The following CIP2A variants were observed in gnomAD, a reference collection of about 807,000 sequenced individuals.
CIP2A encodes the protein protein CIP2A.
CIP2A carries 103 observed loss-of-function variants against 110.9 expected under a neutral mutation model. That is an observed-to-expected ratio of 0.93 (90% confidence interval 0.79 to 1.09). CIP2A has a LOEUF of 1.09. CIP2A is among the 50% of genes least tolerant of loss of function. The probability of loss-of-function intolerance (pLI) is 0.00; values close to 1 mark genes in which losing one functional copy is unlikely to be tolerated. For missense variants in CIP2A, 1,088 were observed against 1,038.4 expected (o/e 1.05, Z -0.66); for synonymous variants, 381 against 361.6 (o/e 1.05, Z -0.61).
At chr3:108,553,425 G>A (rs1375705769) in intron 19 of CIP2A, among the ~76,000 whole-genome samples, 1 of 151,776 alleles carries the variant, frequency 6.6e-6, no homozygotes, top group Non-Finnish European at 1.5e-5. Context: ...ACTGTGCCTG[G>A]CCAATTTCTT....
At chr3:108,559,145 TATAACAAATA>T (rs1468151297) in intron 16 of CIP2A, among the ~76,000 whole-genome samples, 2 of 152,092 alleles carry the variant, frequency 1.3e-5, no homozygotes, top group East Asian at 3.9e-4. Context: ...GGATCCAGCC[TATAACAAATA>T]GTGGTAGAAG....
At chr3:108,562,169 A>T (rs1448013998) in intron 13 of CIP2A, among the ~76,000 whole-genome samples, 4 of 152,194 alleles carry the variant, frequency 2.6e-5, no homozygotes, top group Non-Finnish European at 4.4e-5. Context: ...GATGACCTAA[A>T]TTGCTAATTC....
In CIP2A at chr3:108,560,739, T is replaced by G; in HGVS notation, c.1737A>C (p.Thr579=). 1 of 1,612,476 alleles carries G rather than the reference T, an allele frequency of 6.2e-7. No individual in the cohort carries two copies. The highest frequency in any genetic ancestry group is 2.2e-5 in the East Asian group (1 of 44,824). The change falls in exon 14 of 21, where the codon ACA becomes ACC. Residue 579 remains threonine, a synonymous_variant. Coordinates refer to ENST00000295746, the MANE Select transcript of CIP2A (RefSeq NM_020890.3). The part of the protein sequence containing the change: ...PWQSSNHSFP[T]SIKCLTPHLK... ...AATGAGGAGTTAAACACTTTATTGA[T>G]GTTGGAAAACTGTGATTTGATGATT...
At chr3:108,573,022 T>C (rs1938451260) in intron 8 of CIP2A, among the ~76,000 whole-genome samples, 1 of 152,068 alleles carries the variant, frequency 6.6e-6, no homozygotes, top group Non-Finnish European at 1.5e-5. Flanking sequence ...AGGTATTAAA[T>C]TTTATCAAAT....
intron 11 of CIP2A, 41 bp downstream of exon 11, chr3:108,566,456 T>C: frequency 1.9e-6 from 3 of 1,550,938 alleles, no homozygotes; most frequent in Non-Finnish European, 2.6e-6. Flanking sequence ...TTTCGATTTT[T>C]TACTGCCTTG....
At chr3:108,573,856 C>T (rs1353810482) in intron 8 of CIP2A, among the ~76,000 whole-genome samples, 1 of 151,918 alleles carries the variant, frequency 6.6e-6, no homozygotes, top group Non-Finnish European at 1.5e-5. Context: ...TCTGTAAAAA[C>T]TTGTAAGGTA....
At chr3:108,560,594 G>T in intron 14 of CIP2A, 55 bp downstream of exon 14, 1 of 1,016,854 alleles carries the variant, frequency 9.8e-7, no homozygotes, top group Non-Finnish European at 1.4e-6. Flanking sequence ...CGTTATAATT[G>T]GGACTGACAT....
chr3:108,585,867 A>C (rs1210936465), intron 1 of CIP2A: 3 of 439,564 alleles, frequency 6.8e-6, no homozygotes, highest in Non-Finnish European at 1.4e-5. Flanking sequence ...CTTTCTTGTA[A>C]TCTATAAGCC....
At chr3:108,564,704 T>C (rs1471658456) in intron 12 of CIP2A, among the ~76,000 whole-genome samples, 1 of 152,030 alleles carries the variant, frequency 6.6e-6, no homozygotes, top group East Asian at 1.9e-4. Context: ...AGTTCCCTAT[T>C]TGTGCTTTCT....
Position 108,553,899 on chromosome 3 carries a change from A to C in CIP2A, c.2325-169T>G, listed in dbSNP as rs1163327152. 9.6e-4 allele frequency among the ~76,000 whole-genome samples: 114 copies of C among 118,998 alleles called. 18 individuals carry two copies. Among genetic ancestry groups the C allele is most frequent in the Non-Finnish European group, 1.3e-3 (69 of 54,768 alleles). The allele number at this position is 118,998 out of a possible 152,430, so 78.1% of individuals were successfully genotyped here. A position where few individuals can be genotyped will look rare whatever the true frequency, so the allele number is the denominator to read the frequency against. On this transcript the variant is annotated intron_variant, in intron 18 of 20. Coordinates refer to ENST00000295746, the MANE Select transcript of CIP2A (RefSeq NM_020890.3). ...AACCCCGTCTCTACTAAAAATATAAAAAAAAAAAAAAAAAAAAAAAGGTCT... is the reference window on the plus strand; with the variant it reads ...AACCCCGTCTCTACTAAAAATATAACAAAAAAAAAAAAAAAAAAAAGGTCT...
At chr3:108,575,323 C>A (rs934129679) in intron 8 of CIP2A, among the ~76,000 whole-genome samples, 1 of 148,254 alleles carries the variant, frequency 6.7e-6, no homozygotes, top group African/African-American at 2.6e-5. Flanking sequence ...CGTGCATGTA[C>A]ACACACGTGT....
In CIP2A at chr3:108,589,382, G is replaced by T. The variant is rs1251452058; in HGVS notation, c.-7C>A. 1.2e-6 allele frequency: 2 copies of T among 1,606,566 alleles called. No homozygotes were observed. The highest frequency in any genetic ancestry group is 8.5e-7 in the Non-Finnish European group (1 of 1,174,814). ...AGCAGGCAGTGGAGTCCATTGCACC[G>T]GCCGCGGCCCGGCTTAGGGACCACC... is the stretch of plus-strand genomic sequence containing the variant. On this transcript the variant is annotated 5_prime_UTR_variant, in exon 1 of 21. Coordinates refer to ENST00000295746, the MANE Select transcript of CIP2A (RefSeq NM_020890.3).
At chr3:108,567,553 C>T (rs1180705566) in intron 10 of CIP2A, among the ~76,000 whole-genome samples, 1 of 151,754 alleles carries the variant, frequency 6.6e-6, no homozygotes, top group African/African-American at 2.4e-5. Flanking sequence ...AAAAAGTAAA[C>T]ACAAGGAAGA....
In CIP2A at chr3:108,551,186, C is replaced by T; in HGVS notation, c.2681G>A (p.Gly894Glu). Residue 894 changes from glycine (G) to glutamate (E), a missense_variant, in exon 21 of 21, where the codon GGA becomes GAA. By Grantham distance (98) the Gly-to-Glu change is moderately conservative. Coordinates refer to ENST00000295746, the MANE Select transcript of CIP2A (RefSeq NM_020890.3). ...MIAMIHSLSG[G>E]KINPETVNLS... ...ATTCACAGTTTCTGGATTTATTTTT[C>T]CACCACTTAAACTGTGGATCATTGC... 3 of 1,557,490 alleles carry T rather than the reference C, an allele frequency of 1.9e-6. No homozygotes were observed. The highest frequency in any genetic ancestry group is 1.4e-5 in the African/African-American group (1 of 71,394).
At chr3:108,583,969 T>C (rs1431661850) in intron 2 of CIP2A, among the ~76,000 whole-genome samples, 1 of 152,208 alleles carries the variant, frequency 6.6e-6, no homozygotes, top group Non-Finnish European at 1.5e-5. Flanking sequence ...TTCTAAAGTA[T>C]AAACACTGGA....
chr3:108,579,448 G>C (rs1938787408), intron 6 of CIP2A, 22 bp from the exon 7 acceptor site: 1 of 1,585,242 alleles, frequency 6.3e-7, no homozygotes, highest in Non-Finnish European at 8.6e-7. Flanking sequence ...ATTAGAAAAA[G>C]CATATTAGAC....
At chr3:108,576,397 A>G (rs778810799) in intron 7 of CIP2A, 51 bp from the exon 8 acceptor site, 1 of 927,332 alleles carries the variant, frequency 1.1e-6, no homozygotes, top group Admixed American at 2.5e-5. Context: ...AAATTGATAC[A>G]TCAAAAGGGA....
chr3:108,569,181 T>TATATATACACACACACACAC lies in CIP2A; in HGVS notation c.1113+207_1113+208insGTGTGTGTGTGTGTATATAT. Among the ~76,000 whole-genome samples the TATATATACACACACACACAC allele has an allele frequency of 8.6e-5, 5 of 58,274 alleles. 2 individuals carry two copies. Among genetic ancestry groups the TATATATACACACACACACAC allele is most frequent in the East Asian group, 6.7e-4 (1 of 1,502 alleles). The allele number at this position is 58,274 out of a possible 152,430, so 38.2% of individuals were successfully genotyped here. ...CTGAAATGAGCACTATATATATATA[T>TATATATACACACACACACAC]ACATACACACTACTCAGTGAAAAAA... On this transcript the variant is annotated intron_variant, in intron 9 of 20. Coordinates refer to ENST00000295746, the MANE Select transcript of CIP2A (RefSeq NM_020890.3).
At chr3:108,567,431 T>C (rs1938225241) in intron 10 of CIP2A, among the ~76,000 whole-genome samples, 1 of 151,806 alleles carries the variant, frequency 6.6e-6, no homozygotes, top group Non-Finnish European at 1.5e-5. Flanking sequence ...CCTGACTAGA[T>C]ACATTTAAGA....
Sources: allele counts gnomAD v4.1 joint callset (sites outside exome capture counted in the v4.1 genomes callset), GRCh38; gene constraint gnomAD v4.1.1; transcripts MANE v1.5; gene names NCBI Gene and HGNC (gene_info 2026-07-23, HGNC 2026-07-21).